The following CTNND2 variants were observed in gnomAD, a reference collection of about 807,000 sequenced individuals.
The protein encoded by CTNND2 is catenin delta 2.
A neutral mutation model predicts 144.4 loss-of-function variants in CTNND2; 22 were observed. That is an observed-to-expected ratio of 0.15 (90% CI 0.11 to 0.22). CTNND2 has a LOEUF of 0.22. Among genes scored for constraint, CTNND2 ranks in the 10% least tolerant of loss-of-function variants. CTNND2 has a pLI of 1.00. For synonymous variants in CTNND2, 751 were observed against 695.6 expected (o/e 1.08, Z -1.25); for missense variants, 1,353 against 1,618.8 (o/e 0.84, Z 2.82).
chr5:11,899,708 A>G (rs1159801027), intron 1 of CTNND2, among the ~76,000 whole-genome samples: 5 of 152,212 alleles, frequency 3.3e-5, no homozygotes, highest in Non-Finnish European at 2.9e-5. Context: ...CAAGCCACTT[A>G]TCCATGCTCT....
At chr5:11,427,567 A>G (rs1243547522) in intron 3 of CTNND2, among the ~76,000 whole-genome samples, 2 of 152,178 alleles carry the variant, frequency 1.3e-5, no homozygotes, top group African/African-American at 4.8e-5. Flanking sequence ...GGTATGAGCC[A>G]CTATGCCTGG....
At chr5:11,329,270 C>T (rs1471799931) in intron 9 of CTNND2, among the ~76,000 whole-genome samples, 6 of 152,170 alleles carry the variant, frequency 3.9e-5, no homozygotes, top group Admixed American at 3.3e-4. Context: ...ATTCTCCTGC[C>T]TCAGCCTCTG....
At chr5:11,552,066 C>A (rs1775811868) in intron 3 of CTNND2, among the ~76,000 whole-genome samples, 1 of 152,174 alleles carries the variant, frequency 6.6e-6, no homozygotes, top group Non-Finnish European at 1.5e-5. Flanking sequence ...CCTTGCCCTG[C>A]TGCCTCTGTC....
At position 11,246,493 on chromosome 5, in the gene CTNND2, C is replaced by T. The variant is rs576986226; in HGVS notation, c.1629-9670G>A. ...ACAAGCCCAGGGACACCGAGGATTC[C>T]GGGCACCACCAGAAGCGAGAAGAGG... On this transcript the variant is annotated intron_variant, in intron 9 of 21. Transcript: ENST00000304623. Among the ~76,000 whole-genome samples, 275 of 152,080 alleles carry T rather than the reference C, an allele frequency of 1.8e-3. 4 individuals are homozygous for T. The highest frequency in any genetic ancestry group is 3.2e-4 in the Non-Finnish European group (22 of 67,994).
At chr5:11,635,289 A>G (rs1158916862) in intron 2 of CTNND2, among the ~76,000 whole-genome samples, 1 of 152,168 alleles carries the variant, frequency 6.6e-6, no homozygotes, top group Admixed American at 6.6e-5. Context: ...AGAAGAAGGC[A>G]TCACCCATAA....
At chr5:11,416,186 G>A (rs11955682) in intron 3 of CTNND2, among the ~76,000 whole-genome samples, 1 of 152,060 alleles carries the variant, frequency 6.6e-6, no homozygotes, top group South Asian at 2.1e-4. Context: ...TGCAGGTGTT[G>A]ATTTTATGTT....
chr5:11,749,365 G>A (rs1207070819), intron 1 of CTNND2, among the ~76,000 whole-genome samples: 1 of 151,900 alleles, frequency 6.6e-6, no homozygotes, highest in African/African-American at 2.4e-5. Context: ...TGTTTTTGAG[G>A]GTCATTACCT....
chr5:11,784,430 AAAAC>A (rs1790721453), intron 1 of CTNND2, among the ~76,000 whole-genome samples: 1 of 152,204 alleles, frequency 6.6e-6, no homozygotes, highest in Non-Finnish European at 1.5e-5. Flanking sequence ...TGTGATAGGC[AAAAC>A]TCTAAAATGA....
intron 20 of CTNND2, among the ~76,000 whole-genome samples, chr5:10,987,477 G>A (rs565505654): frequency 1.3e-5 from 2 of 152,174 alleles, no homozygotes; most frequent in East Asian, 3.8e-4. Flanking sequence ...GATGACGAGC[G>A]TGAAAGATGA....
At chr5:11,636,410 C>A (rs1328048900) in intron 2 of CTNND2, among the ~76,000 whole-genome samples, 2 of 152,054 alleles carry the variant, frequency 1.3e-5, no homozygotes, top group African/African-American at 4.8e-5. Flanking sequence ...CTATCCAGAT[C>A]CTGAATGTAA....
At position 11,364,883 on chromosome 5, in the gene CTNND2, G is replaced by A; in HGVS notation, c.1185C>T (p.Ser395=). The A allele has an allele frequency of 6.2e-7, 1 of 1,610,360 alleles. No homozygotes were observed. Among genetic ancestry groups the A allele is most frequent in the Non-Finnish European group, 8.5e-7 (1 of 1,178,508 alleles). The change falls in exon 8 of 22, where the codon TCC becomes TCT. Residue 395 remains serine (S), a synonymous_variant. Transcript: ENST00000304623. ...CATGCTGGCTGCTGTATGAGGCTCG[G>A]GAACCAGCTGAAATAAATCAACAGA... The part of the protein sequence containing the change: ...LQRPGSLAAG[S]RASYSSQHGH...
chr5:11,454,150 G>T (rs1392159875), intron 3 of CTNND2, among the ~76,000 whole-genome samples: 3 of 152,210 alleles, frequency 2.0e-5, no homozygotes, highest in African/African-American at 7.2e-5. Context: ...GGGCCAACGC[G>T]GTGGCTCACG....
intron 11 of CTNND2, among the ~76,000 whole-genome samples, chr5:11,192,062 C>T (rs78511555): frequency 6.2e-4 from 95 of 152,318 alleles, no homozygotes; most frequent in African/African-American, 2.2e-3. Context: ...CTTCTGCCTC[C>T]CTGGTCAAAC....
intron 1 of CTNND2, among the ~76,000 whole-genome samples, chr5:11,885,395 C>T (rs1417609490): frequency 6.6e-6 from 1 of 152,062 alleles, no homozygotes; most frequent in African/African-American, 2.4e-5. Context: ...GCAGAAGTAG[C>T]TACATTTATA....
At chr5:11,592,134 G>T (rs931433128) in intron 2 of CTNND2, among the ~76,000 whole-genome samples, 1 of 108,578 alleles carries the variant, frequency 9.2e-6, no homozygotes, top group Non-Finnish European at 1.9e-5. Flanking sequence ...CTTCTTTCCT[G>T]CCTTCCTGCC....
At chr5:11,810,992 T>C (rs1042422250) in intron 1 of CTNND2, among the ~76,000 whole-genome samples, 2 of 152,182 alleles carry the variant, frequency 1.3e-5, no homozygotes, top group African/African-American at 4.8e-5. Flanking sequence ...TTAGACATAC[T>C]TATTCCACAT....
chr5:11,255,610 C>G (rs548153478), intron 9 of CTNND2, among the ~76,000 whole-genome samples: 1 of 151,924 alleles, frequency 6.6e-6, no homozygotes, highest in Non-Finnish European at 1.5e-5. Flanking sequence ...ACAAAGGTTA[C>G]GCATTCTATC....
chr5:11,006,264 C>T (rs779708637), intron 18 of CTNND2, among the ~76,000 whole-genome samples: 1 of 152,194 alleles, frequency 6.6e-6, no homozygotes. Context: ...TCAGGGCCTC[C>T]CCAGTCCATG....
intron 10 of CTNND2, among the ~76,000 whole-genome samples, chr5:11,220,687 T>A (rs1739698136): frequency 6.6e-6 from 1 of 152,200 alleles, no homozygotes; most frequent in South Asian, 2.1e-4. Context: ...CCAGGCATGC[T>A]ACTGGAACGC....
Sources: allele counts gnomAD v4.1 joint callset (sites outside exome capture counted in the v4.1 genomes callset), GRCh38; gene constraint gnomAD v4.1.1; transcripts MANE v1.5; gene names NCBI Gene and HGNC (gene_info 2026-07-23, HGNC 2026-07-21).